RAD51B: variants seen among roughly 807,000 people sequenced by gnomAD.
The protein encoded by RAD51B is RAD51 paralog B.
In RAD51B, 38 loss-of-function variants were observed where a neutral mutation model predicts 42.2. The observed-to-expected ratio is 0.90, with a 90% CI of 0.70 to 1.18. The LOEUF (loss-of-function observed/expected upper bound fraction) is 1.18, where lower values mean the gene tolerates loss of function less well. RAD51B is among the 50% of genes most tolerant of loss of function. The pLI is 0.00. For missense variants in RAD51B, 373 were observed against 400.7 expected (o/e 0.93, Z 0.59); for synonymous variants, 154 against 145.2 (o/e 1.06, Z -0.43).
At chr14:68,017,842 G>A (rs1165856070) in intron 7 of RAD51B, among the ~76,000 whole-genome samples, 1 of 152,014 alleles carries the variant, frequency 6.6e-6, no homozygotes, top group East Asian at 1.9e-4. Context: ...GTGGTGGCAC[G>A]CACCTGTAGT....
chr14:68,272,008 A>T (rs963156487), intron 7 of RAD51B, among the ~76,000 whole-genome samples: 1 of 152,218 alleles, frequency 6.6e-6, no homozygotes, highest in Non-Finnish European at 1.5e-5. Context: ...TCGAAAATGA[A>T]ACAGCAAGCA....
intron 11 of RAD51B, among the ~76,000 whole-genome samples, chr14:68,680,775 CTG>C (rs1253298259): frequency 6.6e-6 from 1 of 152,136 alleles, no homozygotes; most frequent in East Asian, 1.9e-4. Flanking sequence ...CTTCAATAAA[CTG>C]TGATTTCTGA....
chr14:68,668,182 G>T (rs17835244), intron 11 of RAD51B, among the ~76,000 whole-genome samples: 2 of 151,986 alleles, frequency 1.3e-5, no homozygotes, highest in Non-Finnish European at 2.9e-5. Flanking sequence ...ATCAACCCTG[G>T]GGTCACCCTC....
downstream of RAD51B, among the ~76,000 whole-genome samples, chr14:68,611,975 A>C (rs1204482615): frequency 6.6e-6 from 1 of 152,182 alleles, no homozygotes; most frequent in African/African-American, 2.4e-5. Flanking sequence ...CTTGCTGTGA[A>C]TTTCAAAGGA....
At chr14:68,306,911 C>A (rs2081877030) in intron 8 of RAD51B, among the ~76,000 whole-genome samples, 2 of 152,110 alleles carry the variant, frequency 1.3e-5, no homozygotes, top group South Asian at 4.1e-4. Flanking sequence ...GAGATGACTT[C>A]TGTTGACAGG....
intron 10 of RAD51B, among the ~76,000 whole-genome samples, chr14:68,530,821 A>T (rs943756275): frequency 1.3e-5 from 2 of 152,162 alleles, no homozygotes; most frequent in Non-Finnish European, 2.9e-5. Context: ...TATAGTGGAC[A>T]CAGAAATAAA....
chr14:68,379,347 A>G (rs1188219473), intron 8 of RAD51B, among the ~76,000 whole-genome samples: 2 of 152,198 alleles, frequency 1.3e-5, no homozygotes, highest in Non-Finnish European at 2.9e-5. Context: ...TTCCAAGTCA[A>G]TAGGATTTAC....
intron 7 of RAD51B, among the ~76,000 whole-genome samples, chr14:68,040,471 C>G (rs1344816926): frequency 1.3e-5 from 2 of 152,086 alleles, no homozygotes; most frequent in African/African-American, 4.8e-5. Flanking sequence ...TATGTTTTTT[C>G]TAGTATCTAT....
intron 7 of RAD51B, among the ~76,000 whole-genome samples, chr14:68,015,808 G>T (rs913979432): frequency 1.3e-5 from 2 of 152,050 alleles, no homozygotes; most frequent in Non-Finnish European, 2.9e-5. Context: ...AAAAGAAGAG[G>T]ACAAAATTTT....
At chr14:68,288,110 A>G (rs116887308) in intron 7 of RAD51B, among the ~76,000 whole-genome samples, 44 of 152,314 alleles carry the variant, frequency 2.9e-4, no homozygotes, top group Admixed American at 5.2e-4. Context: ...TCAGTTAGAA[A>G]CCAGACTGTG....
rs540204875 is a variant in RAD51B at position 68,074,033 on chromosome 14, G to A, written c.756+186829G>A. 1.1e-4 allele frequency among the ~76,000 whole-genome samples: 16 copies of A among 152,204 alleles called. No homozygotes were observed. The South Asian group carries it at 2.7e-3, about 26-fold the overall frequency. ...ATGGTCATGTTGTATAGTAGCTCACGGCAGTTCTTTGAATTTTCTGAATTT... is the reference window on the plus strand; with the variant it reads ...ATGGTCATGTTGTATAGTAGCTCACAGCAGTTCTTTGAATTTTCTGAATTT... On this transcript the variant is annotated intron_variant, in intron 7 of 10. Transcript: ENST00000471583.
chr14:67,834,982 T>G, intron 3 of RAD51B, 98 bp from the exon 4 acceptor site: 1 of 818,824 alleles, frequency 1.2e-6, no homozygotes, highest in Non-Finnish European at 2.0e-6. Context: ...AAAGGATGGA[T>G]TAGGGTTAAA....
rs545533871 is a variant in RAD51B, at chr14:68,455,612, C to T, written c.958-12560C>T. Among the ~76,000 whole-genome samples the T allele has an allele frequency of 2.7e-3, 406 of 151,926 alleles. 1 individual carries two copies. The highest frequency in any genetic ancestry group is 9.5e-3 in the African/African-American group (392 of 41,450). ...GCGGGCGCCTGTAGTCCCAGCTACT[C>T]GGGAGGCTGAGGCAGGAGAATGGCA... On this transcript the variant is annotated intron_variant, in intron 9 of 10. Coordinates refer to ENST00000471583, the MANE Select transcript of RAD51B (RefSeq NM_133510.4).
chr14:68,682,058 TA>T (rs910708085), intron 11 of RAD51B, among the ~76,000 whole-genome samples: 30 of 151,872 alleles, frequency 2.0e-4, no homozygotes, highest in Admixed American at 1.4e-3. Flanking sequence ...ATATTAACAT[TA>T]AAAAAAAGAA....
intron 7 of RAD51B, among the ~76,000 whole-genome samples, chr14:68,079,101 T>C (rs911177296): frequency 1.3e-5 from 2 of 152,226 alleles, no homozygotes; most frequent in African/African-American, 4.8e-5. Context: ...TTGGAATCTC[T>C]CTGACCTTAG....
chr14:67,990,275 G>A lies in RAD51B; in HGVS notation c.756+103071G>A, dbSNP rs113101734. On this transcript the variant is annotated intron_variant, in intron 7 of 10. Coordinates refer to ENST00000471583, the MANE Select transcript of RAD51B (RefSeq NM_133510.4). ...CTCTGAAAGTGCTGGGATTACAGGC[G>A]TAAGCCACCACGCCTGGCCATTAAC... Among the ~76,000 whole-genome samples the A allele has an allele frequency of 5.1e-3, 769 of 152,170 alleles. 7 individuals are homozygous for A. The highest frequency in any genetic ancestry group is 0.014 in the Middle Eastern group (4 of 292).
intron 7 of RAD51B, among the ~76,000 whole-genome samples, chr14:67,923,605 C>G (rs1181509210): frequency 6.6e-6 from 1 of 152,132 alleles, no homozygotes; most frequent in African/African-American, 2.4e-5. Context: ...AGCAGTATAT[C>G]ACATTTTCTT....
chr14:68,405,153 A>C (rs1393234938), intron 8 of RAD51B, among the ~76,000 whole-genome samples: 2 of 152,216 alleles, frequency 1.3e-5, no homozygotes, highest in African/African-American at 4.8e-5. Flanking sequence ...TGTTGTAAGG[A>C]TCAAAAGAGA....
At chr14:68,562,771 C>T (rs1889220512) in intron 10 of RAD51B, 1 of 985,216 alleles carries the variant, frequency 1.0e-6, no homozygotes, top group Admixed American at 6.2e-5. Flanking sequence ...CTAAAAGATG[C>T]CATGCTAGAT....
Sources: gnomAD v4.1 joint callset for allele counts (sites outside exome capture counted in the v4.1 genomes callset) on GRCh38, gnomAD v4.1.1 for gene constraint, MANE v1.5 for transcripts, NCBI Gene and HGNC (gene_info 2026-07-23, HGNC 2026-07-21) for gene names.